Variants in ANKRD13B observed in about 807,000 individuals in gnomAD.
ANKRD13B encodes the protein ankyrin repeat domain 13B.
ANKRD13B carries 33 observed loss-of-function variants against 74.4 expected under a neutral mutation model. The ratio of observed to expected loss-of-function variants is 0.44; its 90% CI spans 0.34 to 0.59. The LOEUF (loss-of-function observed/expected upper bound fraction) is 0.59. ANKRD13B is among the 20% of genes least tolerant of loss of function. The pLI is 0.02. For missense variants in ANKRD13B, 676 were observed against 877.9 expected, an observed-to-expected ratio of 0.77 and a Z score of 2.91; for synonymous variants, 341 against 362.9, an observed-to-expected ratio of 0.94 and a Z score of 0.68.
Position 29,612,793 on chromosome 17 carries a change from A to C in ANKRD13B, c.1553A>C (p.Glu518Ala). ...LQFAIQQSLL[E>A]AGSEYDQVTI... is the part of the protein sequence containing the mutation. ...TTCGCCATCCAGCAGAGCCTGCTTG[A>C]GGCGGGCAGTGAGTATGACCAGGTG... The change falls in exon 13 of 15, where the codon GAG (glutamate) becomes GCG (alanine). Residue 518 changes from glutamate (E) to alanine (A), a missense_variant. By Grantham distance (107) the Glu-to-Ala change is moderately radical. Transcript: ENST00000394859. This position sits in a 1 kb window ranked among gnomAD's most constrained non-coding sequence, Gnocchi z 6.1. 6.2e-7 allele frequency: 1 copy of C among 1,603,186 alleles called. No individual in the cohort carries two copies. Among genetic ancestry groups the C allele is most frequent in the Non-Finnish European group, 8.5e-7 (1 of 1,178,576 alleles).
Position 29,611,536 on chromosome 17 carries a change from G to A in ANKRD13B, c.905-43G>A. 6.3e-7 allele frequency: 1 copy of A among 1,598,440 alleles called. No homozygotes were observed. Among genetic ancestry groups the A allele is most frequent in the Non-Finnish European group, 8.6e-7 (1 of 1,165,826 alleles). ...CACCTCTGATGAGGTGCCCAGGTGTGTGTGGAGTTGCGGTGTCCTCTGAGA... is the reference window on the plus strand; with the variant it reads ...CACCTCTGATGAGGTGCCCAGGTGTATGTGGAGTTGCGGTGTCCTCTGAGA... On this transcript the variant is annotated intron_variant, in intron 8 of 14. Coordinates refer to ENST00000394859, the MANE Select transcript of ANKRD13B (RefSeq NM_152345.5). The surrounding 1 kb of genome is among the most constrained non-coding windows in gnomAD (Gnocchi z 4.3).
intron 1 of ANKRD13B, among the ~76,000 whole-genome samples, chr17:29,598,731 T>G (rs905921827): frequency 2.6e-5 from 4 of 151,986 alleles, no homozygotes; most frequent in Non-Finnish European, 4.4e-5. Flanking sequence ...TATTTTTTTT[T>G]GTAGAGATGG....
chr17:29,599,930 G>A (rs1034478649), intron 1 of ANKRD13B, among the ~76,000 whole-genome samples: 1 of 127,606 alleles, frequency 7.8e-6, no homozygotes. Context: ...GCGCTAGAGT[G>A]CAGTGGCGCA....
chr17:29,613,153 C>G (rs1190991240), intron 14 of ANKRD13B, 190 bp downstream of exon 14: 11 of 1,153,234 alleles, frequency 9.5e-6, no homozygotes, highest in Non-Finnish European at 1.2e-5. Flanking sequence ...GGAGTTCAGA[C>G]TCTCCCCAGG....
At chr17:29,610,351 C>G (rs1015772183) in intron 7 of ANKRD13B, among the ~76,000 whole-genome samples, 1 of 152,148 alleles carries the variant, frequency 6.6e-6, no homozygotes, top group Non-Finnish European at 1.5e-5. Context: ...GTGCTACCCC[C>G]ACCAGTGCAT....
chr17:29,604,655 C>T (rs181260354), intron 1 of ANKRD13B, among the ~76,000 whole-genome samples: 1 of 151,756 alleles, frequency 6.6e-6, no homozygotes, highest in African/African-American at 2.4e-5. Context: ...GATTCTTGTG[C>T]CTCAGCCTCC....
chr17:29,612,625 TG>T lies in ANKRD13B; in HGVS notation c.1412-26del. 6.6e-7 allele frequency: 1 copy of T among 1,525,216 alleles called. No homozygotes were observed. Among genetic ancestry groups the T allele is most frequent in the Non-Finnish European group, 8.8e-7 (1 of 1,139,670 alleles). 94.5% of individuals were successfully genotyped at this position (1,525,216 alleles called of 1,614,324 possible). A position where few individuals can be genotyped will look rare whatever the true frequency, so the allele number is the denominator to read the frequency against. ...TGGGTGGGAGGGGCGCGCCCGGCCG[TG>T]CCTGACCCAGCCCCCGCGCCCCCAG... On this transcript the variant is annotated intron_variant, in intron 12 of 14. Transcript: ENST00000394859. This position sits in a 1 kb window ranked among gnomAD's most constrained non-coding sequence, Gnocchi z 6.1.
Position 29,613,477 on chromosome 17 carries a change from G to T in ANKRD13B, c.1776G>T (p.Leu592=). 6.5e-7 allele frequency: 1 copy of T among 1,533,204 alleles called. No individual in the cohort carries two copies. The highest frequency in any genetic ancestry group is 8.8e-7 in the Non-Finnish European group (1 of 1,141,916). The allele number at this position is 1,533,204 out of a possible 1,614,324, so 95.0% of individuals were successfully genotyped here. Residue 592 remains leucine (L), a synonymous_variant, in exon 15 of 15, where the codon CTG becomes CTT. Coordinates refer to ENST00000394859, the MANE Select transcript of ANKRD13B (RefSeq NM_152345.5). The part of the protein sequence containing the change: ...VFRSYDEQLR[L]AMELSAQEQE... ...GGAGCTACGACGAGCAGCTGCGGCTGGCGATGGAACTGTCGGCGCAGGAGC... is the reference window on the plus strand; with the variant it reads ...GGAGCTACGACGAGCAGCTGCGGCTTGCGATGGAACTGTCGGCGCAGGAGC...
rs1384568095 is a variant in ANKRD13B at position 29,613,599 on chromosome 17, C to T, written c.*17C>T. The T allele has an allele frequency of 2.1e-6, 3 of 1,408,852 alleles. No homozygotes were observed. The highest frequency in any genetic ancestry group is 1.5e-5 in the African/African-American group (1 of 66,792). 87.3% of individuals were successfully genotyped at this position (1,408,852 alleles called of 1,614,324 possible). A position where few individuals can be genotyped will look rare whatever the true frequency, so the allele number is the denominator to read the frequency against. On this transcript the variant is annotated 3_prime_UTR_variant, in exon 15 of 15. Transcript: ENST00000394859. ...GAGCAGTAGCGCCCCCTGCCGGGAC[C>T]CTCGCCAGCGCCACGCGCGCCACGC...
chr17:29,602,535 A>C (rs995775203), intron 1 of ANKRD13B, among the ~76,000 whole-genome samples: 2 of 152,112 alleles, frequency 1.3e-5, no homozygotes, highest in Non-Finnish European at 1.5e-5. Context: ...TGACTGGGCC[A>C]CAACCCTCTT....
chr17:29,610,814 AC>A (rs750136335), intron 8 of ANKRD13B, 48 bp downstream of exon 8: 156 of 1,569,648 alleles, frequency 9.9e-5, no homozygotes, highest in Non-Finnish European at 1.3e-4. Flanking sequence ...GACTGCGGGA[AC>A]CAGCTCCCAC....
intron 1 of ANKRD13B, among the ~76,000 whole-genome samples, chr17:29,597,027 AC>A (rs773867681): frequency 3.9e-5 from 6 of 151,934 alleles, no homozygotes; most frequent in Non-Finnish European, 7.4e-5. Context: ...CTGCCCCTGC[AC>A]CCCACGCTGG....
At chr17:29,594,816 T>C (rs1451334333) in intron 1 of ANKRD13B, among the ~76,000 whole-genome samples, 3 of 152,074 alleles carry the variant, frequency 2.0e-5, no homozygotes, top group Non-Finnish European at 4.4e-5. Flanking sequence ...GCTTATTGAG[T>C]CATGAGAAGT....
intron 1 of ANKRD13B, chr17:29,594,176 C>T (rs1598591119): frequency 6.6e-6 from 1 of 152,568 alleles, no homozygotes; most frequent in Non-Finnish European, 1.5e-5. Flanking sequence ...CAGCCCCACC[C>T]AGCGCCCTCT....
intron 1 of ANKRD13B, among the ~76,000 whole-genome samples, chr17:29,602,327 G>A (rs986851786): frequency 3.3e-5 from 5 of 151,766 alleles, no homozygotes; most frequent in South Asian, 2.1e-4. Context: ...CCGGGGAAGC[G>A]GAGCTTACAG....
rs900665018 is a variant in ANKRD13B at position 29,607,765 on chromosome 17, C to T, written c.138C>T (p.Pro46=). 3.1e-6 allele frequency: 5 copies of T among 1,600,652 alleles called. 1 individual carries two copies. In the Admixed American group the frequency reaches 6.7e-5, roughly 21 times the overall value. ...AGGTGGACATCGAGCAGCTGGATCC[C>T]CGCGGCCGGACTCCCCTGCACCTGG... The part of the protein sequence containing the change: ...AGQVDIEQLD[P]RGRTPLHLAT... Residue 46 remains proline (P), a synonymous_variant, in exon 2 of 15, where the codon CCC becomes CCT. Transcript: ENST00000394859.
rs1156797851 is a variant in ANKRD13B at position 29,611,082 on chromosome 17, T to C, written c.904+316T>C. 1.3e-5 allele frequency among the ~76,000 whole-genome samples: 2 copies of C among 152,138 alleles called. No homozygotes were observed. Among genetic ancestry groups the C allele is most frequent in the Non-Finnish European group, 2.9e-5 (2 of 68,028 alleles). On this transcript the variant is annotated intron_variant, in intron 8 of 14. Coordinates refer to ENST00000394859, the MANE Select transcript of ANKRD13B (RefSeq NM_152345.5). This position sits in a 1 kb window ranked among gnomAD's most constrained non-coding sequence, Gnocchi z 4.3. Reference sequence around the variant, plus strand: ...TTGGCCATTCTAGTCTAGTGGGACATATCCTAGGTAGAAAGTCAGGGGACC... The same window carrying C: ...TTGGCCATTCTAGTCTAGTGGGACACATCCTAGGTAGAAAGTCAGGGGACC...
rs908823059 is a variant in ANKRD13B at position 29,609,665 on chromosome 17, G to C, written c.822+244G>C. On this transcript the variant is annotated intron_variant, in intron 7 of 14. Transcript: ENST00000394859. The surrounding 1 kb of genome is among the most constrained non-coding windows in gnomAD (Gnocchi z 4.0). ...TTCCTCACAGCAACCCTTTCTGGTA[G>C]GTGCTGTTCTGTTAGTATTCCCATT... Among the ~76,000 whole-genome samples the C allele has an allele frequency of 1.3e-5, 2 of 152,218 alleles. No homozygotes were observed. The highest frequency in any genetic ancestry group is 4.1e-4 in the South Asian group (2 of 4,828).
intron 1 of ANKRD13B, among the ~76,000 whole-genome samples, chr17:29,602,680 CCTTAA>C (rs1394020315): frequency 1.3e-5 from 2 of 152,112 alleles, no homozygotes; most frequent in African/African-American, 2.4e-5. Context: ...ATCTTGAGAT[CCTTAA>C]CTTAATTATG....
Sources: gnomAD v4.1 joint callset for allele counts (sites outside exome capture counted in the v4.1 genomes callset) on GRCh38, gnomAD v4.1.1 for gene constraint, Gnocchi (gnomAD v3.1) non-coding constraint, MANE v1.5 for transcripts, NCBI Gene and HGNC (gene_info 2026-07-23, HGNC 2026-07-21) for gene names.